Variants in SFXN2 observed in about 807,000 individuals in gnomAD.
SFXN2 encodes sideroflexin 2, also known as sideroflexin-2.
In SFXN2, 37 loss-of-function variants were observed where a neutral mutation model predicts 41.9. The observed-to-expected ratio is 0.88, with a 90% CI of 0.68 to 1.16. The LOEUF (loss-of-function observed/expected upper bound fraction) is 1.16, where lower values mean the gene tolerates loss of function less well. Ranked by LOEUF, SFXN2 falls within the 50% of genes most tolerant of loss-of-function variation. SFXN2 has a pLI of 0.00. For synonymous variants in SFXN2, 150 were observed against 156.7 expected (o/e 0.96, Z 0.32); for missense variants, 386 against 425.2 (o/e 0.91, Z 0.81).
At chr10:102,719,419 G>T (rs181029913) in intron 1 of SFXN2, among the ~76,000 whole-genome samples, 86 of 151,118 alleles carry the variant, frequency 5.7e-4, no homozygotes, top group African/African-American at 2.1e-3. Context: ...ATTAGAGATG[G>T]GGTTTCACCA....
rs761480101 is a variant in SFXN2 at position 102,737,804 on chromosome 10, C to T, written c.*42C>T. The T allele has an allele frequency of 1.0e-5, 14 of 1,388,338 alleles. 1 individual carries two copies. In the South Asian group the frequency reaches 1.2e-4, roughly 12 times the overall value. 86.0% of individuals were successfully genotyped at this position (1,388,338 alleles called of 1,614,324 possible). Reference sequence around the variant, plus strand: ...AGGACCAGTCTATTCCCATATTCACCAGCTCCTCCTTAGCTACGTGCACAC... The same window carrying T: ...AGGACCAGTCTATTCCCATATTCACTAGCTCCTCCTTAGCTACGTGCACAC... On this transcript the variant is annotated 3_prime_UTR_variant, in exon 12 of 12. Transcript: ENST00000369893.
In SFXN2 at chr10:102,739,447, A is replaced by G. The variant is rs1481091481; in HGVS notation, c.*1685A>G. ...GCTCAAGGGGCCAAATCCACCTGCC[A>G]CCTGTTTTTGTGCAATTGGAAGCTA... On this transcript the variant is annotated 3_prime_UTR_variant, in exon 12 of 12. Coordinates refer to ENST00000369893, the MANE Select transcript of SFXN2 (RefSeq NM_178858.6). The G allele has an allele frequency of 6.8e-6, 1 of 147,532 alleles. No homozygotes were observed. The highest frequency in any genetic ancestry group is 1.5e-5 in the Non-Finnish European group (1 of 65,846). The allele number at this position is 147,532 out of a possible 1,614,324, so 9.1% of individuals were successfully genotyped here.
At chr10:102,729,955 G>C in intron 6 of SFXN2, 147 bp downstream of exon 6, 1 of 850,682 alleles carries the variant, frequency 1.2e-6, no homozygotes, top group Non-Finnish European at 1.8e-6. Flanking sequence ...GGGATTGGCA[G>C]CTCCCATGGT....
In SFXN2 at chr10:102,738,853, A is replaced by G. The variant is rs1201568166; in HGVS notation, c.*1091A>G. The G allele has an allele frequency of 1.3e-5, 2 of 152,704 alleles. No individual in the cohort carries two copies. Among genetic ancestry groups the G allele is most frequent in the South Asian group, 2.1e-4 (1 of 4,832 alleles). The allele number at this position is 152,704 out of a possible 1,614,324, so 9.5% of individuals were successfully genotyped here. On this transcript the variant is annotated 3_prime_UTR_variant, in exon 12 of 12. Coordinates refer to ENST00000369893, the MANE Select transcript of SFXN2 (RefSeq NM_178858.6). ...GCATTAACCACACACTTTAATGGGT[A>G]TAATTTCCTGGCTGCCTCCCTTCCT... is the stretch of plus-strand genomic sequence containing the variant.
intron 1 of SFXN2, among the ~76,000 whole-genome samples, chr10:102,717,214 C>T (rs1262361790): frequency 6.7e-6 from 1 of 150,314 alleles, no homozygotes; most frequent in Non-Finnish European, 1.5e-5. Context: ...TCACTACAAC[C>T]TCCGCCTCCC....
Position 102,741,630 on chromosome 10 carries a change from C to T in SFXN2, c.*3868C>T, listed in dbSNP as rs1192062559. ...ATGTTTCCCAGGTTGGTCTTGAACC[C>T]CTGACCTCAAGCAATCCTCATGCCT... On this transcript the variant is annotated 3_prime_UTR_variant, in exon 12 of 12. Coordinates refer to ENST00000369893, the MANE Select transcript of SFXN2 (RefSeq NM_178858.6). The T allele has an allele frequency of 6.6e-6, 1 of 152,230 alleles. No individual in the cohort carries two copies. Among genetic ancestry groups the T allele is most frequent in the Non-Finnish European group, 1.5e-5 (1 of 68,068 alleles). The allele number at this position is 152,230 out of a possible 1,614,324, so 9.4% of individuals were successfully genotyped here. A position where few individuals can be genotyped will look rare whatever the true frequency, so the allele number is the denominator to read the frequency against.
intron 9 of SFXN2, 86 bp downstream of exon 9, chr10:102,732,994 C>G (rs956631195): frequency 1.3e-4 from 181 of 1,353,134 alleles, no homozygotes; most frequent in Non-Finnish European, 1.8e-4. Context: ...TGCCCTCCCC[C>G]ACCCATCCTT....
At chr10:102,717,073 G>A (rs1331773804) in intron 1 of SFXN2, among the ~76,000 whole-genome samples, 1 of 149,332 alleles carries the variant, frequency 6.7e-6, no homozygotes, top group Non-Finnish European at 1.5e-5. Context: ...TTCCTCTTCT[G>A]TAAACTGAGA....
intron 10 of SFXN2, among the ~76,000 whole-genome samples, chr10:102,735,313 G>A (rs532524708): frequency 6.1e-4 from 88 of 143,720 alleles, no homozygotes; most frequent in African/African-American, 2.3e-3. Context: ...CCTTCAAGTC[G>A]CTCCTCCCCA....
chr10:102,737,152 C>A (rs932403634), intron 11 of SFXN2, among the ~76,000 whole-genome samples: 1 of 151,928 alleles, frequency 6.6e-6, no homozygotes, highest in Non-Finnish European at 1.5e-5. Context: ...GAAACTCCAT[C>A]TCAATAAATA....
chr10:102,727,217 C>T (rs2244524), intron 3 of SFXN2, 60 bp downstream of exon 3: 696,015 of 1,520,998 alleles, frequency 0.46, 165,600 homozygotes, highest in South Asian at 0.68. Flanking sequence ...GGTCAGGGAG[C>T]CATACTATGA....
Position 102,738,284 on chromosome 10 carries a change from CT to C in SFXN2, c.*523del, listed in dbSNP as rs11353329. ...TCCACATCCTCCTCCTCGTTGCCCCCTGGTCAGGCAGCTTCTTTTTTTTTTT... is the reference window on the plus strand; with the variant it reads ...TCCACATCCTCCTCCTCGTTGCCCCCGGTCAGGCAGCTTCTTTTTTTTTTT... On this transcript the variant is annotated 3_prime_UTR_variant, in exon 12 of 12. Transcript: ENST00000369893. 0.014 allele frequency: 2,186 copies of C among 152,280 alleles called. 47 individuals are homozygous for C. Among genetic ancestry groups the C allele is most frequent in the African/African-American group, 0.051 (2,093 of 41,428 alleles). 9.4% of individuals were successfully genotyped at this position (152,280 alleles called of 1,614,324 possible).
At position 102,735,994 on chromosome 10, in the gene SFXN2, G is replaced by C. The variant is rs1048472140; in HGVS notation, c.869+85G>C. 3.0e-6 allele frequency: 4 copies of C among 1,353,528 alleles called. No homozygotes were observed. The East Asian group carries it at 9.2e-5, about 31-fold the overall frequency. The allele number at this position is 1,353,528 out of a possible 1,614,324, so 83.8% of individuals were successfully genotyped here. On this transcript the variant is annotated intron_variant, in intron 11 of 11. Coordinates refer to ENST00000369893, the MANE Select transcript of SFXN2 (RefSeq NM_178858.6). ...TCTGCCTGCTGTCCAGAAGGAGACA[G>C]GGAAGGGGCAGGAAGGGCAGCACCT...
chr10:102,715,076 G>A (rs572038434), intron 1 of SFXN2: 20 of 152,788 alleles, frequency 1.3e-4, no homozygotes, highest in South Asian at 2.1e-4. Context: ...TCTGTCGCCC[G>A]GGCCGGAGTG....
chr10:102,731,285 A>G (rs1174936985), intron 6 of SFXN2, among the ~76,000 whole-genome samples: 2 of 145,272 alleles, frequency 1.4e-5, no homozygotes, highest in East Asian at 3.9e-4. Flanking sequence ...AAAAAAAAAA[A>G]AGGAATAGCT....
chr10:102,728,105 C>T (rs1457859486), intron 3 of SFXN2, among the ~76,000 whole-genome samples: 3 of 152,094 alleles, frequency 2.0e-5, no homozygotes, highest in Non-Finnish European at 4.4e-5. Context: ...TCAAGACCAG[C>T]CTGACCAATA....
intron 9 of SFXN2, 129 bp downstream of exon 9, chr10:102,733,037 GC>G (rs2064726435): frequency 1.1e-6 from 1 of 921,000 alleles, no homozygotes; most frequent in Non-Finnish European, 1.7e-6. Flanking sequence ...TCTCACTCAA[GC>G]CCACACCAAT....
At chr10:102,718,609 C>G (rs2064453193) in intron 1 of SFXN2, among the ~76,000 whole-genome samples, 1 of 152,250 alleles carries the variant, frequency 6.6e-6, no homozygotes, top group African/African-American at 2.4e-5. Context: ...TTCAGAGAAG[C>G]ATCGGGGCCA....
At chr10:102,731,531 G>A (rs139076666) in intron 6 of SFXN2, among the ~76,000 whole-genome samples, 192 bp from the exon 7 acceptor site, 2 of 152,230 alleles carry the variant, frequency 1.3e-5, no homozygotes, top group East Asian at 1.9e-4. Context: ...CAGGGCCACC[G>A]CTCTCAGCCA....
Sources: gnomAD v4.1 joint callset for allele counts (sites outside exome capture counted in the v4.1 genomes callset) on GRCh38, gnomAD v4.1.1 for gene constraint, MANE v1.5 for transcripts, NCBI Gene and HGNC (gene_info 2026-07-23, HGNC 2026-07-21) for gene names.